Variants in MSANTD3 observed in about 807,000 individuals in gnomAD.
MSANTD3 encodes the protein myb/SANT-like DNA-binding domain-containing protein 3.
Under a neutral mutation model 27.7 loss-of-function variants are expected in MSANTD3, and 11 were observed. The ratio of observed to expected loss-of-function variants is 0.40; its 90% CI spans 0.25 to 0.66. MSANTD3 has a LOEUF of 0.66. Ranked by LOEUF, MSANTD3 falls within the 30% of genes least tolerant of loss-of-function variation. The pLI, the probability that MSANTD3 is intolerant of heterozygous loss-of-function variation, is 0.41. For synonymous variants in MSANTD3, 131 were observed against 127.2 expected, an observed-to-expected ratio of 1.03 and a Z score of -0.20; for missense variants, 250 against 336.5, an observed-to-expected ratio of 0.74 and a Z score of 2.01.
intron 1 of MSANTD3, among the ~76,000 whole-genome samples, chr9:100,437,161 G>A (rs1836496662): frequency 1.3e-5 from 2 of 152,154 alleles, no homozygotes; most frequent in African/African-American, 4.8e-5. Flanking sequence ...TCTGGTTAGA[G>A]TGAGGAAGGT....
intron 1 of MSANTD3, among the ~76,000 whole-genome samples, chr9:100,441,075 A>T (rs1836609914): frequency 2.0e-5 from 3 of 150,338 alleles, no homozygotes; most frequent in African/African-American, 7.3e-5. Flanking sequence ...AGCTGGGATT[A>T]CAGGCGCACG....
intron 1 of MSANTD3, among the ~76,000 whole-genome samples, chr9:100,434,183 C>A (rs534923461): frequency 6.6e-6 from 1 of 152,104 alleles, no homozygotes; most frequent in Non-Finnish European, 1.5e-5. Context: ...TCTGTTGATC[C>A]CCTACCCTAC....
intron 2 of MSANTD3, among the ~76,000 whole-genome samples, chr9:100,446,994 A>T (rs1836769727): frequency 6.6e-6 from 1 of 151,864 alleles, no homozygotes; most frequent in African/African-American, 2.4e-5. Flanking sequence ...TTTCCTTCCC[A>T]TCCTTTTGCT....
intron 2 of MSANTD3, chr9:100,449,249 AG>A: frequency 1.0e-6 from 1 of 985,448 alleles, no homozygotes; most frequent in African/African-American, 1.7e-5. Context: ...TAAAAAAAGC[AG>A]GGCAAACATA....
rs539726036 is a variant in MSANTD3 at position 100,429,543 on chromosome 9, G to A, written c.-34+2150G>A. ...CCAGTGTGGGAGATGGACGCAAAGA[G>A]CAAATTGCAAAAAATATGGGAAGTG... On this transcript the variant is annotated intron_variant, in intron 1 of 2. Coordinates refer to ENST00000395067, the MANE Select transcript of MSANTD3 (RefSeq NM_080655.3). 6 of 152,196 alleles carry A rather than the reference G, an allele frequency of 3.9e-5. No homozygotes were observed. In the South Asian group the frequency reaches 1.0e-3, roughly 26 times the overall value. The allele number at this position is 152,196 out of a possible 1,614,324, so 9.4% of individuals were successfully genotyped here.
At chr9:100,449,870 A>G (rs1161440012) in intron 2 of MSANTD3, among the ~76,000 whole-genome samples, 2 of 152,164 alleles carry the variant, frequency 1.3e-5, no homozygotes, top group East Asian at 1.9e-4. Context: ...TAGGAGAGTC[A>G]TGGTTCAGAA....
intron 1 of MSANTD3, among the ~76,000 whole-genome samples, chr9:100,433,841 C>T (rs1466856689): frequency 6.6e-6 from 1 of 152,134 alleles, no homozygotes; most frequent in East Asian, 1.9e-4. Context: ...GTTCACCCAC[C>T]ACTTCTGAAT....
chr9:100,442,098 C>A lies in MSANTD3; in HGVS notation c.160C>A (p.His54Asn), dbSNP rs1316167394. The stretch of plus-strand genomic sequence containing the variant: ...GCAGCGTACCTGGCAGGCGCTGGCC[C>A]ACGAATACAACTCTCAGCCCAGCGT... ...LKQRTWQALA[H>N]EYNSQPSVSL... The change falls in exon 2 of 3, where the codon CAC becomes AAC. Residue 54 changes from histidine to asparagine, a missense_variant. By Grantham distance (68) the His-to-Asn change is moderately conservative. Transcript: ENST00000395067. 1.2e-6 allele frequency: 2 copies of A among 1,614,164 alleles called. No homozygotes were observed. The highest frequency in any genetic ancestry group is 2.2e-5 in the South Asian group (2 of 91,084).
intron 2 of MSANTD3, among the ~76,000 whole-genome samples, chr9:100,445,999 A>G (rs556403069): frequency 6.6e-6 from 1 of 152,322 alleles, no homozygotes; most frequent in African/African-American, 2.4e-5. Flanking sequence ...TTTGGCTTTG[A>G]CACTTATCTT....
At chr9:100,431,301 CTTTT>C (rs34098873) in intron 1 of MSANTD3, among the ~76,000 whole-genome samples, 1 of 128,614 alleles carries the variant, frequency 7.8e-6, no homozygotes, top group Non-Finnish European at 1.6e-5. Context: ...CATGCCTAGC[CTTTT>C]TTTTTTTTTT....
Position 100,451,204 on chromosome 9 carries a change from T to A in MSANTD3, c.*238T>A. 1 of 424,486 alleles carries A rather than the reference T, an allele frequency of 2.4e-6. No homozygotes were observed. Among genetic ancestry groups the A allele is most frequent in the African/African-American group, 2.0e-5 (1 of 49,696 alleles). The allele number at this position is 424,486 out of a possible 1,614,324, so 26.3% of individuals were successfully genotyped here. A position where few individuals can be genotyped will look rare whatever the true frequency, so the allele number is the denominator to read the frequency against. ...ATGAGTGCTATAATTCTGAATATAA[T>A]GTCTCTTAATTAGAATTCATACAAG... On this transcript the variant is annotated 3_prime_UTR_variant, in exon 3 of 3. Coordinates refer to ENST00000395067, the MANE Select transcript of MSANTD3 (RefSeq NM_080655.3).
In MSANTD3 at chr9:100,451,412, A is replaced by G. The variant is rs1836887132; in HGVS notation, c.*446A>G. ...GTCCTGGGAGGCTACACGTTTCTCC[A>G]ATGGTGATGCTGTTGCTCAGAACTT... is the stretch of plus-strand genomic sequence containing the variant. On this transcript the variant is annotated 3_prime_UTR_variant, in exon 3 of 3. Transcript: ENST00000395067. 1 of 153,220 alleles carries G rather than the reference A, an allele frequency of 6.5e-6. No homozygotes were observed. The highest frequency in any genetic ancestry group is 6.5e-5 in the Admixed American group (1 of 15,376). The allele number at this position is 153,220 out of a possible 1,614,324, so 9.5% of individuals were successfully genotyped here. A position where few individuals can be genotyped will look rare whatever the true frequency, so the allele number is the denominator to read the frequency against.
At chr9:100,427,445 G>T (rs1467154939) in intron 1 of MSANTD3, 52 bp downstream of exon 1, 1 of 149,900 alleles carries the variant, frequency 6.7e-6, no homozygotes, top group Non-Finnish European at 1.5e-5. Context: ...GCGGGGGTGG[G>T]GGGCGCGGGC....
chr9:100,429,046 G>A (rs1181923649), intron 1 of MSANTD3, among the ~76,000 whole-genome samples: 1 of 152,124 alleles, frequency 6.6e-6, no homozygotes, highest in Non-Finnish European at 1.5e-5. Flanking sequence ...TACCAAGGGG[G>A]CACCCTTTCC....
intron 1 of MSANTD3, among the ~76,000 whole-genome samples, chr9:100,439,544 C>G (rs951094727): frequency 4.0e-5 from 6 of 150,562 alleles, no homozygotes; most frequent in Admixed American, 1.3e-4. Context: ...GAGTCTTGCT[C>G]TGTCATCCAG....
intron 1 of MSANTD3, among the ~76,000 whole-genome samples, chr9:100,439,553 A>G (rs1420583668): frequency 2.0e-5 from 3 of 150,382 alleles, no homozygotes; most frequent in Non-Finnish European, 1.5e-5. Flanking sequence ...TCTGTCATCC[A>G]GGCTGGAGTG....
intron 1 of MSANTD3, among the ~76,000 whole-genome samples, chr9:100,435,333 T>A (rs1836459225): frequency 6.6e-6 from 1 of 152,172 alleles, no homozygotes; most frequent in Non-Finnish European, 1.5e-5. Flanking sequence ...TCCAGTGCCA[T>A]AGCTCTTCAG....
At chr9:100,427,605 G>C (rs1006638258) in intron 1 of MSANTD3, 6 of 152,062 alleles carry the variant, frequency 3.9e-5, no homozygotes, top group Admixed American at 1.3e-4. Context: ...ACAAAGCCCC[G>C]GGGCGCGGGC....
At chr9:100,448,748 A>G (rs1330030179) in intron 2 of MSANTD3, 3 of 985,266 alleles carry the variant, frequency 3.0e-6, no homozygotes, top group Admixed American at 6.2e-5. Context: ...CAGTGGGAGC[A>G]TGAAGGAAGA....
Sources: gnomAD v4.1 joint callset for allele counts (sites outside exome capture counted in the v4.1 genomes callset) on GRCh38, gnomAD v4.1.1 for gene constraint, MANE v1.5 for transcripts, NCBI Gene and HGNC (gene_info 2026-07-23, HGNC 2026-07-21) for gene names.